Variants in CTNND2 observed in about 807,000 individuals in gnomAD.
CTNND2 encodes the protein catenin delta 2.
CTNND2 carries 22 observed loss-of-function variants against 144.4 expected under a neutral mutation model. The ratio of observed to expected loss-of-function variants is 0.15; its 90% CI spans 0.11 to 0.22. CTNND2 has a LOEUF of 0.22. CTNND2 is among the 10% of genes least tolerant of loss of function. The pLI is 1.00. For missense variants in CTNND2, 1,353 were observed against 1,618.8 expected (o/e 0.84, Z 2.82); for synonymous variants, 751 against 695.6 (o/e 1.08, Z -1.25).
intron 1 of CTNND2, among the ~76,000 whole-genome samples, chr5:11,777,594 C>A (rs1790326391): frequency 6.6e-6 from 1 of 152,060 alleles, no homozygotes; most frequent in Non-Finnish European, 1.5e-5. Flanking sequence ...CAGAGGCCAG[C>A]ATAAAATTTG....
chr5:11,498,872 C>T lies in CTNND2; in HGVS notation c.287+66072G>A, dbSNP rs1205501841. On this transcript the variant is annotated intron_variant, in intron 3 of 21. Coordinates refer to ENST00000304623, the MANE Select transcript of CTNND2 (RefSeq NM_001332.4). Reference sequence around the variant, plus strand: ...AGAAAGAAAATTGCATTGATATATTCGGTCACTGTATAAGTGGCTCAAGCA... The same window carrying T: ...AGAAAGAAAATTGCATTGATATATTTGGTCACTGTATAAGTGGCTCAAGCA... Among the ~76,000 whole-genome samples the T allele has an allele frequency of 8.5e-5, 13 of 152,172 alleles. No homozygotes were observed. The East Asian group carries it at 2.3e-3, about 27-fold the overall frequency.
chr5:11,852,539 A>T (rs1795062989), intron 1 of CTNND2, among the ~76,000 whole-genome samples: 1 of 152,154 alleles, frequency 6.6e-6, no homozygotes, highest in Non-Finnish European at 1.5e-5. Context: ...GCCAACTGTG[A>T]CAGTATCACT....
At chr5:11,414,722 G>A (rs192182563) in intron 3 of CTNND2, among the ~76,000 whole-genome samples, 79 of 152,266 alleles carry the variant, frequency 5.2e-4, no homozygotes, top group Non-Finnish European at 7.8e-4. Context: ...GAACCCAAGA[G>A]TTATCTTTTC....
At chr5:11,462,820 T>C (rs1385981999) in intron 3 of CTNND2, among the ~76,000 whole-genome samples, 1 of 151,976 alleles carries the variant, frequency 6.6e-6, no homozygotes, top group Admixed American at 6.5e-5. Context: ...TTAACACTTG[T>C]CTGCAGCAAA....
chr5:11,215,598 G>A (rs888259810), intron 10 of CTNND2, among the ~76,000 whole-genome samples: 3 of 152,090 alleles, frequency 2.0e-5, no homozygotes, highest in African/African-American at 4.8e-5. Flanking sequence ...AGATAAAGTC[G>A]GAACAATAAG....
intron 16 of CTNND2, among the ~76,000 whole-genome samples, chr5:11,038,533 G>A (rs1245010339): frequency 1.3e-5 from 2 of 152,142 alleles, no homozygotes; most frequent in African/African-American, 2.4e-5. Flanking sequence ...GTTGGGGAAC[G>A]TTGGCTTAGG....
At chr5:11,036,948 TATG>T (rs1367634225) in intron 16 of CTNND2, among the ~76,000 whole-genome samples, 1 of 152,146 alleles carries the variant, frequency 6.6e-6, no homozygotes, top group East Asian at 1.9e-4. Context: ...ACCACTTAAT[TATG>T]ATGAGTAAAA....
At chr5:11,780,346 A>G (rs557471813) in intron 1 of CTNND2, among the ~76,000 whole-genome samples, 1 of 152,182 alleles carries the variant, frequency 6.6e-6, no homozygotes, top group South Asian at 2.1e-4. Flanking sequence ...CCCACAGCCA[A>G]TTTGAGTAGG....
chr5:11,477,452 C>T (rs1323780421), intron 3 of CTNND2, among the ~76,000 whole-genome samples: 3 of 151,012 alleles, frequency 2.0e-5, no homozygotes, highest in Non-Finnish European at 4.4e-5. Flanking sequence ...TAATCTGTTG[C>T]CCAGGTTGAA....
At chr5:11,691,330 C>T (rs1581727647) in intron 2 of CTNND2, among the ~76,000 whole-genome samples, 1 of 151,540 alleles carries the variant, frequency 6.6e-6, no homozygotes, top group African/African-American at 2.4e-5. Flanking sequence ...CGAGATTGCG[C>T]CACTTCACTC....
chr5:11,625,440 T>C (rs1257997410), intron 2 of CTNND2, among the ~76,000 whole-genome samples: 1 of 150,892 alleles, frequency 6.6e-6, no homozygotes, highest in East Asian at 1.9e-4. Context: ...TAGCCTACTC[T>C]TACTTCACAT....
At chr5:11,138,115 G>T (rs934348104) in intron 12 of CTNND2, among the ~76,000 whole-genome samples, 7 of 152,200 alleles carry the variant, frequency 4.6e-5, no homozygotes, top group Non-Finnish European at 8.8e-5. Context: ...GTTGTCAGCT[G>T]AGGATCTTTC....
intron 3 of CTNND2, among the ~76,000 whole-genome samples, chr5:11,479,241 C>T (rs1248319957): frequency 6.6e-6 from 1 of 152,118 alleles, no homozygotes; most frequent in Admixed American, 6.6e-5. Context: ...TAAATGAGAA[C>T]ATGTGGTAAT....
rs563173703 is a variant in CTNND2 at position 11,435,071 on chromosome 5, T to C, written c.288-23002A>G. ...AGTGTCACGAGATAAATGGCTACCT[T>C]GACTGATACTCTATTTACAGATTAG... On this transcript the variant is annotated intron_variant, in intron 3 of 21. Transcript: ENST00000304623. 3.1e-4 allele frequency among the ~76,000 whole-genome samples: 47 copies of C among 152,212 alleles called. 1 individual carries two copies. The Middle Eastern group carries it at 0.037, about 121-fold the overall frequency.
chr5:11,127,527 C>T (rs969414040), intron 12 of CTNND2, among the ~76,000 whole-genome samples: 5 of 152,158 alleles, frequency 3.3e-5, no homozygotes, highest in Non-Finnish European at 7.3e-5. Flanking sequence ...ACATCTGACC[C>T]GGAGGGCAAA....
chr5:11,886,803 A>C (rs958050307), intron 1 of CTNND2, among the ~76,000 whole-genome samples: 1 of 152,114 alleles, frequency 6.6e-6, no homozygotes, highest in Non-Finnish European at 1.5e-5. Context: ...AAATGGAAAG[A>C]AGATAGCATT....
chr5:11,600,281 T>C (rs1304032024), intron 2 of CTNND2, among the ~76,000 whole-genome samples: 1 of 152,160 alleles, frequency 6.6e-6, no homozygotes, highest in African/African-American at 2.4e-5. Flanking sequence ...GTATGTGAAG[T>C]ACACTAAAAC....
Position 11,128,939 on chromosome 5 carries a change from ATT to A in CTNND2, c.2160-11374_2160-11373del, listed in dbSNP as rs1183100970. Among the ~76,000 whole-genome samples the A allele has an allele frequency of 1.4e-3, 72 of 49,674 alleles. 1 individual carries two copies. Among genetic ancestry groups the A allele is most frequent in the African/African-American group, 4.7e-3 (67 of 14,174 alleles). 32.6% of individuals were successfully genotyped at this position (49,674 alleles called of 152,430 possible). A position where few individuals can be genotyped will look rare whatever the true frequency, so the allele number is the denominator to read the frequency against. ...TAATATATAATACATAAATATATAT[ATT>A]ATATATAATATATAAATATATATAA... On this transcript the variant is annotated intron_variant, in intron 12 of 21. Coordinates refer to ENST00000304623, the MANE Select transcript of CTNND2 (RefSeq NM_001332.4).
At chr5:11,445,530 T>C (rs1474435315) in intron 3 of CTNND2, among the ~76,000 whole-genome samples, 1 of 152,138 alleles carries the variant, frequency 6.6e-6, no homozygotes, top group Non-Finnish European at 1.5e-5. Flanking sequence ...GCCAGGTGCC[T>C]CCAGAGGGAC....
Sources: gnomAD v4.1 joint callset for allele counts (sites outside exome capture counted in the v4.1 genomes callset) on GRCh38, gnomAD v4.1.1 for gene constraint, MANE v1.5 for transcripts, NCBI Gene and HGNC (gene_info 2026-07-23, HGNC 2026-07-21) for gene names.